NKX6-3: variants seen among roughly 807,000 people sequenced by gnomAD.
The protein encoded by NKX6-3 is homeobox protein Nkx-6.3.
In NKX6-3, 17 loss-of-function variants were observed where a neutral mutation model predicts 22.0. That is an observed-to-expected ratio of 0.77 (90% CI 0.53 to 1.16). The LOEUF (loss-of-function observed/expected upper bound fraction) is 1.16, where lower values mean the gene tolerates loss of function less well. NKX6-3 is among the 50% of genes most tolerant of loss of function. The probability of loss-of-function intolerance (pLI) is 0.00; values close to 1 mark genes in which losing one functional copy is unlikely to be tolerated. For missense variants in NKX6-3, 363 were observed against 359.0 expected, an observed-to-expected ratio of 1.01 and a Z score of -0.09; for synonymous variants, 177 against 167.2, an observed-to-expected ratio of 1.06 and a Z score of -0.45.
In NKX6-3 at chr8:41,648,032, T is replaced by C. The variant is rs1045664399; in HGVS notation, c.552+34A>G. 3 of 1,503,218 alleles carry C rather than the reference T, an allele frequency of 2.0e-6. No individual in the cohort carries two copies. The African/African-American group carries it at 4.1e-5, about 21-fold the overall frequency. The allele number at this position is 1,503,218 out of a possible 1,614,324, so 93.1% of individuals were successfully genotyped here. A position where few individuals can be genotyped will look rare whatever the true frequency, so the allele number is the denominator to read the frequency against. ...GCCTCCTGTCCGGCAGGCTCCTCCC[T>C]GCAGGGCAGGTGCCATCTCCCGCAC... is the stretch of plus-strand genomic sequence containing the variant. On this transcript the variant is annotated intron_variant, in intron 2 of 2. Transcript: ENST00000518699.
intron 2 of NKX6-3, 46 bp from the exon 3 acceptor site, chr8:41,646,740 G>A (rs1187897841): frequency 6.6e-7 from 1 of 1,516,736 alleles, no homozygotes; most frequent in Non-Finnish European, 8.8e-7. Context: ...CAGCGCGCAC[G>A]GGACGCGAGA....
At position 41,650,319 on chromosome 8, in the gene NKX6-3, G is replaced by T. The variant is rs905072839; in HGVS notation, c.174C>A (p.Ile58=). 1 of 1,535,120 alleles carries T rather than the reference G, an allele frequency of 6.5e-7. No individual in the cohort carries two copies. Among genetic ancestry groups the T allele is most frequent in the Non-Finnish European group, 8.7e-7 (1 of 1,146,354 alleles). ...TCGGCGCAGCCACGGGCCTGCTCAG[G>T]ATGTCCGTGATCCCGTGGGGGGTTC... ...AAGTPHGITD[I]LSRPVAAPNN... Residue 58 remains isoleucine, a synonymous_variant, in exon 1 of 3, where the codon ATC becomes ATA. Transcript: ENST00000518699.
chr8:41,648,042 G>A (rs770841881), intron 2 of NKX6-3, 24 bp downstream of exon 2: 37 of 1,511,282 alleles, frequency 2.4e-5, no homozygotes, highest in Non-Finnish European at 3.2e-5. Context: ...TGCAGGGCAG[G>A]TGCCATCTCC....
chr8:41,646,633 G>A lies in NKX6-3; in HGVS notation c.614C>T (p.Ser205Phe), dbSNP rs1804210524. ...CGCGCCGCCCGGGGCCCGGGGCGTG[G>A]AGGACGAGGGCTCCAGGGCGCTCTT... ...RKKSALEPSS[S>F]TPRAPGGAGA... is the part of the protein sequence containing the mutation. The change falls in exon 3 of 3, where the codon TCC becomes TTC. Residue 205 changes from serine (S) to phenylalanine (F), a missense_variant. Coordinates refer to ENST00000518699, the MANE Select transcript of NKX6-3 (RefSeq NM_001364841.2). The A allele has an allele frequency of 6.4e-7, 1 of 1,553,854 alleles. No individual in the cohort carries two copies.
intron 1 of NKX6-3, 111 bp downstream of exon 1, chr8:41,649,997 GCGA>G: frequency 8.6e-7 from 1 of 1,169,056 alleles, no homozygotes; most frequent in Middle Eastern, 2.9e-4. Flanking sequence ...GGGGTTAATG[GCGA>G]CTGGGGGAGA....
At chr8:41,647,115 TAA>T (rs1341836012) in intron 2 of NKX6-3, 1 of 1,484,648 alleles carries the variant, frequency 6.7e-7, no homozygotes, top group East Asian at 2.4e-5. Flanking sequence ...CCCTACTTCA[TAA>T]ATAATTGTTC....
In NKX6-3 at chr8:41,650,776, C is replaced by T. The variant is rs1804303544; in HGVS notation, c.-284G>A. On this transcript the variant is annotated 5_prime_UTR_variant, in exon 1 of 3. Transcript: ENST00000518699. Reference sequence around the variant, plus strand: ...CCCCCTAAGCCTCAGCTCAGACCCCCTTTCTGCCTCTGAGTCGGGGGACCC... The same window carrying T: ...CCCCCTAAGCCTCAGCTCAGACCCCTTTTCTGCCTCTGAGTCGGGGGACCC... The T allele has an allele frequency of 2.7e-6, 1 of 376,568 alleles. No homozygotes were observed. Among genetic ancestry groups the T allele is most frequent in the Admixed American group, 4.4e-5 (1 of 22,784 alleles). 23.3% of individuals were successfully genotyped at this position (376,568 alleles called of 1,614,324 possible).
chr8:41,650,708 C>A lies in NKX6-3; in HGVS notation c.-216G>T. 1 of 554,666 alleles carries A rather than the reference C, an allele frequency of 1.8e-6. No individual in the cohort carries two copies. Among genetic ancestry groups the A allele is most frequent in the African/African-American group, 1.9e-5 (1 of 52,434 alleles). The allele number at this position is 554,666 out of a possible 1,614,324, so 34.4% of individuals were successfully genotyped here. ...GCTCGGGGCAGGTGGGAGGCCTCCC[C>A]AGGGCTCCTGGCCTCTCTCCTTGCC... On this transcript the variant is annotated 5_prime_UTR_variant, in exon 1 of 3. Coordinates refer to ENST00000518699, the MANE Select transcript of NKX6-3 (RefSeq NM_001364841.2).
chr8:41,646,591 C>A lies in NKX6-3; in HGVS notation c.656G>T (p.Gly219Val). The change falls in exon 3 of 3, where the codon GGG becomes GTG. Residue 219 changes from glycine to valine, a missense_variant. Around this residue, in one of 3 missense-constraint regions of NKX6-3, gnomAD observed 169 missense variants for 155.8 expected, o/e 1.08. Transcript: ENST00000518699. ...CTCGTTCTCCGAGGGTGCGCGGTCC[C>A]CGCCTGCGCCTGCACCCGCGCCGCC... is the stretch of plus-strand genomic sequence containing the variant. ...APGGAGAGAG[G>V]DRAPSENEDD... is the part of the protein sequence containing the mutation. The A allele has an allele frequency of 6.3e-7, 1 of 1,579,316 alleles. No individual in the cohort carries two copies. Among genetic ancestry groups the A allele is most frequent in the Non-Finnish European group, 8.6e-7 (1 of 1,163,510 alleles).
rs977838689 is a variant in NKX6-3, at chr8:41,646,452, G to A, written c.795C>T (p.Val265=). 2 of 1,595,836 alleles carry A rather than the reference G, an allele frequency of 1.3e-6. No homozygotes were observed. The change falls in exon 3 of 3, where the codon GTC becomes GTT. Residue 265 remains valine, a synonymous_variant. Transcript: ENST00000518699. ...TCCCGGGCCTGGACGGCGGGCGTCA[G>A]ACGCTGTGCGCTCCCAGGCTGAGCA... ...FSVLSLGAHS[V] is the part of the protein sequence containing the mutation.
In NKX6-3 at chr8:41,650,580, G is replaced by C; in HGVS notation, c.-88C>G. The C allele has an allele frequency of 7.3e-7, 1 of 1,364,066 alleles. No homozygotes were observed. The highest frequency in any genetic ancestry group is 1.4e-5 in the South Asian group (1 of 71,890). The allele number at this position is 1,364,066 out of a possible 1,614,324, so 84.5% of individuals were successfully genotyped here. On this transcript the variant is annotated 5_prime_UTR_variant, in exon 1 of 3. Coordinates refer to ENST00000518699, the MANE Select transcript of NKX6-3 (RefSeq NM_001364841.2). ...AGCCCCAAATCTCATGGCAGGCCTG[G>C]AGGCTTAGGACCGTCTCCGAGCTCC...
intron 2 of NKX6-3, 134 bp from the exon 3 acceptor site, chr8:41,646,828 G>A (rs1293786734): frequency 1.5e-6 from 2 of 1,310,486 alleles, no homozygotes; most frequent in East Asian, 5.3e-5. Context: ...TGTTGGGGAA[G>A]GACAATAAAA....
intron 1 of NKX6-3, among the ~76,000 whole-genome samples, chr8:41,649,019 C>T (rs1804263667): frequency 6.6e-6 from 1 of 152,176 alleles, no homozygotes; most frequent in South Asian, 2.1e-4. Context: ...TGTGTGTGTA[C>T]CTGCATTCAG....
At chr8:41,647,421 G>A in intron 2 of NKX6-3, 2 of 1,474,244 alleles carry the variant, frequency 1.4e-6, no homozygotes, top group South Asian at 1.3e-5. Flanking sequence ...CAGACTCTAA[G>A]GCGGTAGAAA....
intron 2 of NKX6-3, chr8:41,647,441 C>CT: frequency 1.4e-6 from 2 of 1,391,550 alleles, no homozygotes; most frequent in South Asian, 1.4e-5. Context: ...ACCGGTTTCC[C>CT]CGGGTCTATT....
rs1386212571 is a variant in NKX6-3 at position 41,645,557 on chromosome 8, G to C, written c.*892C>G. On this transcript the variant is annotated 3_prime_UTR_variant, in exon 3 of 3. Coordinates refer to ENST00000518699, the MANE Select transcript of NKX6-3 (RefSeq NM_001364841.2). ...TCCCAGCCCTTCCTTTCCTCCCCAG[G>C]TGGGATGCTTTTTCTCTCTGGGTGG... 1 of 152,258 alleles carries C rather than the reference G, an allele frequency of 6.6e-6. No individual in the cohort carries two copies. The highest frequency in any genetic ancestry group is 1.5e-5 in the Non-Finnish European group (1 of 68,172). 9.4% of individuals were successfully genotyped at this position (152,258 alleles called of 1,614,324 possible).
rs1362739041 is a variant in NKX6-3, at chr8:41,650,016, G to A, written c.382+95C>T. ...TTAATGGCGACTGGGGGAGAGGGCG[G>A]AGGTGCAGGGTGCCCGGGAGGAGGC... is the stretch of plus-strand genomic sequence containing the variant. On this transcript the variant is annotated intron_variant, in intron 1 of 2. Transcript: ENST00000518699. 1.6e-5 allele frequency: 21 copies of A among 1,332,064 alleles called. No homozygotes were observed. In the East Asian group the frequency reaches 3.0e-4, roughly 19 times the overall value. 82.5% of individuals were successfully genotyped at this position (1,332,064 alleles called of 1,614,324 possible).
intron 1 of NKX6-3, 33 bp downstream of exon 1, chr8:41,650,078 G>T: frequency 3.3e-6 from 5 of 1,509,756 alleles, no homozygotes; most frequent in Non-Finnish European, 4.4e-6. Context: ...CCTGGCGGGT[G>T]CCGGGAGGTG....
At chr8:41,648,660 T>G (rs1804258328) in intron 1 of NKX6-3, among the ~76,000 whole-genome samples, 1 of 152,220 alleles carries the variant, frequency 6.6e-6, no homozygotes, top group Non-Finnish European at 1.5e-5. Flanking sequence ...TCCTTGCTCT[T>G]GAGACTCAAC....
Sources: gnomAD v4.1 joint callset for allele counts (sites outside exome capture counted in the v4.1 genomes callset) on GRCh38, gnomAD v4.1.1 for gene constraint, gnomAD v4.1.1 regional missense constraint, MANE v1.5 for transcripts, NCBI Gene and HGNC (gene_info 2026-07-23, HGNC 2026-07-21) for gene names.